The following PCBP3 variants were observed in gnomAD, a reference collection of about 807,000 sequenced individuals.
PCBP3 encodes poly(rC)-binding protein 3.
Under a neutral mutation model 52.7 loss-of-function variants are expected in PCBP3, and 25 were observed. That is an observed-to-expected ratio of 0.47 (90% CI 0.35 to 0.66). The LOEUF is 0.66. PCBP3 is among the 30% of genes least tolerant of loss of function. PCBP3 has a pLI of 0.01. For synonymous variants in PCBP3, 162 were observed against 183.0 expected (o/e 0.89, Z 0.93); for missense variants, 391 against 490.3 (o/e 0.80, Z 1.91).
At chr21:45,892,956 G>A (rs1406059543) in intron 5 of PCBP3, among the ~76,000 whole-genome samples, 2 of 152,050 alleles carry the variant, frequency 1.3e-5, no homozygotes, top group African/African-American at 4.8e-5. Context: ...AGGGAGTCCT[G>A]GGGAGGGGAG....
At chr21:45,910,383 G>A (rs2096363125) in intron 10 of PCBP3, among the ~76,000 whole-genome samples, 1 of 151,874 alleles carries the variant, frequency 6.6e-6, no homozygotes, top group South Asian at 2.1e-4. Flanking sequence ...CCCTGTGAGG[G>A]GCCTCCAGGG....
chr21:45,795,388 T>G (rs987556550), intron 4 of PCBP3, among the ~76,000 whole-genome samples: 3 of 151,738 alleles, frequency 2.0e-5, no homozygotes, highest in African/African-American at 7.3e-5. Context: ...CACAAATATC[T>G]CTGCCATGTA....
intron 5 of PCBP3, chr21:45,858,541 C>T (rs1203145832): frequency 6.6e-6 from 1 of 152,270 alleles, no homozygotes; most frequent in Admixed American, 6.5e-5. Flanking sequence ...GAGGGAGGCC[C>T]CTGGGGAGCC....
chr21:45,683,708 C>T (rs371226094), intron 2 of PCBP3, among the ~76,000 whole-genome samples: 3 of 152,038 alleles, frequency 2.0e-5, no homozygotes, highest in African/African-American at 4.8e-5. Context: ...GGGCAGATCA[C>T]GAGGTCAGGA....
chr21:45,674,190 C>G (rs1253794174), intron 2 of PCBP3, among the ~76,000 whole-genome samples: 1 of 152,062 alleles, frequency 6.6e-6, no homozygotes, highest in African/African-American at 2.4e-5. Context: ...TCTGACTAAC[C>G]CTGAGCCGAT....
chr21:45,903,824 G>A (rs1196711725), intron 9 of PCBP3, among the ~76,000 whole-genome samples: 4 of 152,184 alleles, frequency 2.6e-5, no homozygotes, highest in Non-Finnish European at 1.5e-5. Context: ...TCAGCCGTCT[G>A]TTTCTGAAGA....
At chr21:45,691,293 C>T (rs886390496) in intron 2 of PCBP3, among the ~76,000 whole-genome samples, 2 of 150,354 alleles carry the variant, frequency 1.3e-5, no homozygotes, top group Non-Finnish European at 3.0e-5. Flanking sequence ...CAATAATTGC[C>T]CAGACTGGAA....
At chr21:45,685,920 T>C (rs2147664218) in intron 2 of PCBP3, among the ~76,000 whole-genome samples, 1 of 149,324 alleles carries the variant, frequency 6.7e-6, no homozygotes, top group African/African-American at 2.5e-5. Context: ...ATGAACTTTT[T>C]TTTTTTTTTT....
intron 3 of PCBP3, among the ~76,000 whole-genome samples, chr21:45,739,979 C>G (rs1471359738): frequency 2.0e-5 from 3 of 152,238 alleles, no homozygotes; most frequent in African/African-American, 7.2e-5. Context: ...CTTGGATCCA[C>G]CCTCACTTGC....
At chr21:45,652,672 A>T (rs1476338188) in intron 1 of PCBP3, among the ~76,000 whole-genome samples, 1 of 151,956 alleles carries the variant, frequency 6.6e-6, no homozygotes, top group Non-Finnish European at 1.5e-5. Context: ...CAAACTCCTG[A>T]CCTCAGGTGA....
At chr21:45,692,141 C>G (rs911781458) in intron 2 of PCBP3, among the ~76,000 whole-genome samples, 1 of 152,076 alleles carries the variant, frequency 6.6e-6, no homozygotes, top group Non-Finnish European at 1.5e-5. Flanking sequence ...AGATAAGGAC[C>G]TGGAAGGGTC....
At chr21:45,652,660 C>T (rs773748062) in intron 1 of PCBP3, among the ~76,000 whole-genome samples, 1 of 152,088 alleles carries the variant, frequency 6.6e-6, no homozygotes, top group Non-Finnish European at 1.5e-5. Context: ...CCAGGCTGGT[C>T]TCAAACTCCT....
At chr21:45,756,823 T>G (rs1179744843) in intron 4 of PCBP3, among the ~76,000 whole-genome samples, 1 of 152,254 alleles carries the variant, frequency 6.6e-6, no homozygotes, top group African/African-American at 2.4e-5. Context: ...TGTTATGGTA[T>G]GTATTAGTAC....
At chr21:45,823,214 A>G (rs1169946912) in intron 4 of PCBP3, among the ~76,000 whole-genome samples, 2 of 151,866 alleles carry the variant, frequency 1.3e-5, no homozygotes, top group African/African-American at 4.8e-5. Flanking sequence ...AGTCCCCATG[A>G]CCCCTCAGGT....
At chr21:45,903,759 T>C (rs2096127915) in intron 9 of PCBP3, among the ~76,000 whole-genome samples, 1 of 152,174 alleles carries the variant, frequency 6.6e-6, no homozygotes, top group South Asian at 2.1e-4. Context: ...TGTCAGGACA[T>C]CTGAGCAGAC....
chr21:45,771,898 G>T (rs373193700), intron 4 of PCBP3, among the ~76,000 whole-genome samples: 1 of 152,198 alleles, frequency 6.6e-6, no homozygotes, highest in African/African-American at 2.4e-5. Context: ...AGTTTATCAA[G>T]GCTGCAGGAT....
At chr21:45,890,134 GCGGGAGA>G (rs1028077292) in intron 5 of PCBP3, among the ~76,000 whole-genome samples, 11 of 152,276 alleles carry the variant, frequency 7.2e-5, no homozygotes, top group Admixed American at 7.2e-4. Flanking sequence ...CTACTCTGCT[GCGGGAGA>G]GAATGGAGCA....
chr21:45,823,317 A>G (rs2093202502), intron 4 of PCBP3, among the ~76,000 whole-genome samples: 1 of 152,142 alleles, frequency 6.6e-6, no homozygotes, highest in African/African-American at 2.4e-5. Context: ...AGAGTTTCAG[A>G]AAACGTCGGC....
At chr21:45,892,464 G>A (rs1312012414) in intron 5 of PCBP3, among the ~76,000 whole-genome samples, 3 of 110,710 alleles carry the variant, frequency 2.7e-5, no homozygotes, top group East Asian at 5.9e-4. Context: ...CGTCTCTGAC[G>A]GGGCGTGGGG....
Sources: gnomAD v4.1 joint callset for allele counts (sites outside exome capture counted in the v4.1 genomes callset) on GRCh38, gnomAD v4.1.1 for gene constraint, MANE v1.5 for transcripts, NCBI Gene and HGNC (gene_info 2026-07-23, HGNC 2026-07-21) for gene names.